Variants in OLFM4 observed in about 807,000 individuals in gnomAD.
OLFM4 encodes olfactomedin-4.
In OLFM4, 22 loss-of-function variants were observed where a neutral mutation model predicts 25.5. The observed-to-expected ratio is 0.86, with a 90% confidence interval of 0.62 to 1.23. The LOEUF (loss-of-function observed/expected upper bound fraction) is 1.23. Ranked by LOEUF, OLFM4 falls within the 50% of genes most tolerant of loss-of-function variation. The pLI is 0.00. For synonymous variants in OLFM4, 255 were observed against 237.7 expected (o/e 1.07, Z -0.67); for missense variants, 594 against 619.4 (o/e 0.96, Z 0.44).
At chr13:53,045,822 T>A (rs1954712824) in intron 4 of OLFM4, among the ~76,000 whole-genome samples, 1 of 152,188 alleles carries the variant, frequency 6.6e-6, no homozygotes, top group Non-Finnish European at 1.5e-5. Flanking sequence ...TTCATAGAAC[T>A]TTCTAATCTA....
At chr13:53,045,741 G>A (rs908016049) in intron 4 of OLFM4, among the ~76,000 whole-genome samples, 2 of 152,166 alleles carry the variant, frequency 1.3e-5, no homozygotes, top group African/African-American at 4.8e-5. Flanking sequence ...ACAAGTGAAT[G>A]TATCCCAGGT....
At chr13:53,042,768 T>A (rs554493262) in intron 3 of OLFM4, among the ~76,000 whole-genome samples, 12 of 152,326 alleles carry the variant, frequency 7.9e-5, no homozygotes, top group African/African-American at 2.9e-4. Context: ...TTCATTAGAA[T>A]CTTAATTATA....
Position 53,043,046 on chromosome 13 carries a change from A to G in OLFM4, c.571-59A>G, listed in dbSNP as rs1954695711. 6 of 1,355,284 alleles carry G rather than the reference A, an allele frequency of 4.4e-6. 1 individual carries two copies. The highest frequency in any genetic ancestry group is 4.3e-5 in the South Asian group (3 of 69,266). 84.0% of individuals were successfully genotyped at this position (1,355,284 alleles called of 1,614,324 possible). A position where few individuals can be genotyped will look rare whatever the true frequency, so the allele number is the denominator to read the frequency against. On this transcript the variant is annotated intron_variant, in intron 3 of 4. Transcript: ENST00000219022. The stretch of plus-strand genomic sequence containing the variant: ...ACTAAATGACAAATTCAGCCCTGGA[A>G]TGTTTATGAAAGAAATTGCACCATA...
At chr13:53,036,747 T>C (rs922353099) in intron 2 of OLFM4, among the ~76,000 whole-genome samples, 4 of 152,236 alleles carry the variant, frequency 2.6e-5, no homozygotes, top group African/African-American at 9.6e-5. Context: ...CTTTTTCAAA[T>C]GCTTCCAGTT....
chr13:53,050,507 C>A lies in OLFM4; in HGVS notation c.1269C>A (p.Thr423=), dbSNP rs1207164182. ...TTLQVLNTWY[T]KQYKPSASNA... ...TTCAGGTGCTAAACACTTGGTATAC[C>A]AAGCAGTATAAACCATCTGCTTCTA... Residue 423 remains threonine, a synonymous_variant, in exon 5 of 5, where the codon ACC becomes ACA. Coordinates refer to ENST00000219022, the MANE Select transcript of OLFM4 (RefSeq NM_006418.5). The A allele has an allele frequency of 6.2e-7, 1 of 1,613,968 alleles. No homozygotes were observed. The highest frequency in any genetic ancestry group is 2.2e-5 in the East Asian group (1 of 44,874).
intron 2 of OLFM4, among the ~76,000 whole-genome samples, chr13:53,038,516 A>G (rs1044903530): frequency 1.3e-5 from 2 of 152,232 alleles, no homozygotes; most frequent in African/African-American, 4.8e-5. Flanking sequence ...ATACAATGGT[A>G]AGTTTTTGTG....
intron 4 of OLFM4, among the ~76,000 whole-genome samples, chr13:53,048,699 G>A (rs2138242833): frequency 6.6e-6 from 1 of 152,262 alleles, no homozygotes; most frequent in Non-Finnish European, 1.5e-5. Context: ...CTCACCTCAT[G>A]TTCCTCAATG....
chr13:53,030,151 T>C (rs1241259396), intron 1 of OLFM4, among the ~76,000 whole-genome samples: 1 of 152,298 alleles, frequency 6.6e-6, no homozygotes, highest in East Asian at 1.9e-4. Flanking sequence ...TGTTTTATTT[T>C]GACCATCAGA....
At chr13:53,034,748 A>T (rs959668816) in intron 2 of OLFM4, among the ~76,000 whole-genome samples, 5 of 152,180 alleles carry the variant, frequency 3.3e-5, no homozygotes, top group African/African-American at 4.8e-5. Context: ...GTATTGTGGT[A>T]CTTAGGCAGT....
intron 1 of OLFM4, 43 bp from the exon 2 acceptor site, chr13:53,034,305 G>A (rs1447140278): frequency 1.3e-6 from 2 of 1,599,736 alleles, no homozygotes; most frequent in African/African-American, 2.7e-5. Context: ...CAAAAGCTCA[G>A]ATTCCAGCTT....
intron 4 of OLFM4, among the ~76,000 whole-genome samples, chr13:53,048,081 G>C (rs1436171593): frequency 6.6e-6 from 1 of 152,140 alleles, no homozygotes; most frequent in Admixed American, 6.5e-5. Flanking sequence ...ATGGAAACTT[G>C]AACAGTTTTT....
At chr13:53,031,835 C>T (rs918632159) in intron 1 of OLFM4, among the ~76,000 whole-genome samples, 1 of 152,200 alleles carries the variant, frequency 6.6e-6, no homozygotes, top group African/African-American at 2.4e-5. Flanking sequence ...ATTTGCCCTA[C>T]AGAAGGGGAA....
intron 4 of OLFM4, among the ~76,000 whole-genome samples, chr13:53,045,155 C>T (rs1440696910): frequency 1.3e-5 from 2 of 152,096 alleles, no homozygotes; most frequent in Admixed American, 6.5e-5. Context: ...CCAAGGACAA[C>T]GGTGGGGAGA....
Position 53,050,279 on chromosome 13 carries a change from T to C in OLFM4, c.1041T>C (p.Asn347=), listed in dbSNP as rs1490753864. 6.2e-7 allele frequency: 1 copy of C among 1,614,088 alleles called. No individual in the cohort carries two copies. Among genetic ancestry groups the C allele is most frequent in the Non-Finnish European group, 8.5e-7 (1 of 1,179,974 alleles). The change falls in exon 5 of 5, where the codon AAT becomes AAC. Residue 347 remains asparagine (N), a synonymous_variant. Coordinates refer to ENST00000219022, the MANE Select transcript of OLFM4 (RefSeq NM_006418.5). ...ACGTCAACATGTACAACACCGGGAA[T>C]ATTGCCAGAGTTAACCTGACCACCA... ...NMYVNMYNTG[N]IARVNLTTNT... is the part of the protein sequence containing the mutation.
intron 1 of OLFM4, 58 bp downstream of exon 1, chr13:53,029,098 G>A (rs1954614541): frequency 1.2e-6 from 2 of 1,601,580 alleles, no homozygotes; most frequent in East Asian, 2.2e-5. Flanking sequence ...TTGCTTTTGG[G>A]TACCTGAATA....
chr13:53,041,782 A>G, intron 2 of OLFM4, 128 bp from the exon 3 acceptor site: 1 of 630,480 alleles, frequency 1.6e-6, no homozygotes, highest in Non-Finnish European at 2.8e-6. Flanking sequence ...TGTATTTTTG[A>G]TCTATTTATT....
At chr13:53,037,757 T>C (rs1281628719) in intron 2 of OLFM4, among the ~76,000 whole-genome samples, 1 of 152,236 alleles carries the variant, frequency 6.6e-6, no homozygotes, top group African/African-American at 2.4e-5. Context: ...CTGTTACGTT[T>C]ACTTTGAAAC....
At chr13:53,032,265 T>G (rs754055009) in intron 1 of OLFM4, among the ~76,000 whole-genome samples, 4 of 152,226 alleles carry the variant, frequency 2.6e-5, no homozygotes, top group Non-Finnish European at 5.9e-5. Flanking sequence ...GTTGGCAGAA[T>G]TTTTCAGAGA....
chr13:53,051,936 A>G lies in OLFM4; in HGVS notation c.*1165A>G, dbSNP rs956273694. ...TGATGTGCTTCTGTGCTTTTGAATG[A>G]CTTTATCATCTAGTCTTTGTCTATT... On this transcript the variant is annotated 3_prime_UTR_variant, in exon 5 of 5. Transcript: ENST00000219022. 3.3e-5 allele frequency: 5 copies of G among 152,126 alleles called. No individual in the cohort carries two copies. The highest frequency in any genetic ancestry group is 9.7e-5 in the African/African-American group (4 of 41,394). 9.4% of individuals were successfully genotyped at this position (152,126 alleles called of 1,614,324 possible).
Sources: gnomAD v4.1 joint callset for allele counts (sites outside exome capture counted in the v4.1 genomes callset) on GRCh38, gnomAD v4.1.1 for gene constraint, MANE v1.5 for transcripts, NCBI Gene and HGNC (gene_info 2026-07-23, HGNC 2026-07-21) for gene names.